The following OPCML variants were observed in gnomAD, a reference collection of about 807,000 sequenced individuals.
The protein encoded by OPCML is opioid binding protein/cell adhesion molecule like.
Under a neutral mutation model 37.8 loss-of-function variants are expected in OPCML, and 13 were observed. The ratio of observed to expected loss-of-function variants is 0.34; its 90% CI spans 0.22 to 0.55. The LOEUF is 0.55. OPCML is among the 20% of genes least tolerant of loss of function. The pLI is 0.91. For synonymous variants in OPCML, 176 were observed against 168.8 expected, an observed-to-expected ratio of 1.04 and a Z score of -0.33; for missense variants, 341 against 435.6, an observed-to-expected ratio of 0.78 and a Z score of 1.93.
chr11:132,482,666 C>G (rs2096185174), intron 4 of OPCML, among the ~76,000 whole-genome samples: 1 of 152,104 alleles, frequency 6.6e-6, no homozygotes, highest in Non-Finnish European at 1.5e-5. Flanking sequence ...ATGCAAAATC[C>G]TCAATAAAAT....
chr11:133,479,650 C>A lies in OPCML; in HGVS notation c.61+52614G>T, dbSNP rs367950836. Among the ~76,000 whole-genome samples the A allele has an allele frequency of 2.0e-5, 3 of 152,300 alleles. No individual in the cohort carries two copies. The East Asian group carries it at 5.8e-4, about 30-fold the overall frequency. On this transcript the variant is annotated intron_variant, in intron 1 of 7. Transcript: ENST00000524381. ...CAGGTCAAGCGTCACACAATTGACC[C>A]TGCCACTGCTCACACTGTTGAGTGG...
intron 1 of OPCML, among the ~76,000 whole-genome samples, chr11:133,269,005 G>A (rs1425012828): frequency 6.6e-6 from 1 of 152,162 alleles, no homozygotes. Context: ...TCTTTGATGT[G>A]TGCTCCAGGA....
rs146273967 is a variant in OPCML, at chr11:133,011,357, G to A, written c.62-68347C>T. 8.9e-3 allele frequency among the ~76,000 whole-genome samples: 1,356 copies of A among 152,294 alleles called. 22 individuals carry two copies. Among genetic ancestry groups the A allele is most frequent in the African/African-American group, 0.031 (1,301 of 41,558 alleles). ...CCAGTGTGAGAGAAGTGAGCCCCAT[G>A]ATCCCTGGTTACTGCAGGTGTTGAG... On this transcript the variant is annotated intron_variant, in intron 1 of 7. Coordinates refer to ENST00000524381, the MANE Select transcript of OPCML (RefSeq NM_001012393.5).
chr11:132,447,773 A>T (rs752269960), intron 4 of OPCML, among the ~76,000 whole-genome samples: 1 of 152,182 alleles, frequency 6.6e-6, no homozygotes, highest in Non-Finnish European at 1.5e-5. Flanking sequence ...CAGGCCCAAC[A>T]CTCAACCTTC....
At chr11:132,745,580 A>AAAAAAAAAAAAAAG (rs1555183231) in intron 2 of OPCML, among the ~76,000 whole-genome samples, 1 of 87,554 alleles carries the variant, frequency 1.1e-5, no homozygotes, top group African/African-American at 4.5e-5. Context: ...AAAAAAAAAA[A>AAAAAAAAAAAAAAG]AAAGAAAGAA....
intron 1 of OPCML, chr11:133,423,132 T>A: frequency 2.0e-6 from 2 of 985,448 alleles, no homozygotes; most frequent in South Asian, 4.7e-5. Context: ...CAGGATCTTA[T>A]AACCATTCAT....
intron 7 of OPCML, among the ~76,000 whole-genome samples, chr11:132,435,587 G>T (rs2096010330): frequency 6.6e-6 from 1 of 152,182 alleles, no homozygotes; most frequent in Non-Finnish European, 1.5e-5. Flanking sequence ...TTCAGAGAGG[G>T]TTTGCTGCTC....
At chr11:133,303,144 A>G (rs960715812) in intron 1 of OPCML, among the ~76,000 whole-genome samples, 4 of 152,192 alleles carry the variant, frequency 2.6e-5, no homozygotes, top group African/African-American at 9.6e-5. Context: ...TGGAAAGAAA[A>G]TGCAGCCCAA....
chr11:132,821,094 C>T (rs1461482166), intron 2 of OPCML, among the ~76,000 whole-genome samples: 1 of 152,164 alleles, frequency 6.6e-6, no homozygotes, highest in Non-Finnish European at 1.5e-5. Flanking sequence ...GAGGCCAGGA[C>T]TGTTCTTTTG....
chr11:132,654,497 G>A (rs1027578186), intron 3 of OPCML, among the ~76,000 whole-genome samples: 1 of 150,696 alleles, frequency 6.6e-6, no homozygotes, highest in Non-Finnish European at 1.5e-5. Flanking sequence ...TCCTCCCCAA[G>A]AGAAGCTCTT....
intron 2 of OPCML, among the ~76,000 whole-genome samples, chr11:132,829,586 A>C (rs1325651311): frequency 6.6e-6 from 1 of 152,224 alleles, no homozygotes; most frequent in Non-Finnish European, 1.5e-5. Context: ...TCAGAGACCT[A>C]AGGGCAAAAG....
At chr11:132,450,497 C>T (rs1388348305) in intron 4 of OPCML, among the ~76,000 whole-genome samples, 4 of 151,990 alleles carry the variant, frequency 2.6e-5, no homozygotes, top group Admixed American at 2.0e-4. Flanking sequence ...CGTAGAGGGG[C>T]CTCCTGCAGA....
chr11:132,855,810 T>C (rs1942031167), intron 2 of OPCML, among the ~76,000 whole-genome samples: 2 of 152,210 alleles, frequency 1.3e-5, no homozygotes, highest in Non-Finnish European at 2.9e-5. Flanking sequence ...TTTAGGGTAA[T>C]GTGTTATACA....
At chr11:132,528,129 T>C (rs139892775) in intron 4 of OPCML, among the ~76,000 whole-genome samples, 2 of 152,302 alleles carry the variant, frequency 1.3e-5, no homozygotes, top group Admixed American at 6.5e-5. Flanking sequence ...TATTTCAGTA[T>C]TAATATGAAT....
At chr11:132,434,638 A>G (rs2096007368) in intron 7 of OPCML, among the ~76,000 whole-genome samples, 1 of 152,186 alleles carries the variant, frequency 6.6e-6, no homozygotes, top group South Asian at 2.1e-4. Flanking sequence ...CCCTGACATG[A>G]TGCCTAGAAA....
intron 1 of OPCML, among the ~76,000 whole-genome samples, chr11:133,448,507 G>T (rs144045052): frequency 4.6e-5 from 7 of 152,198 alleles, no homozygotes; most frequent in Non-Finnish European, 8.8e-5. Flanking sequence ...ACCCAGGCTG[G>T]AGTGCAAAGG....
At chr11:133,455,899 C>T (rs1000201975) in intron 1 of OPCML, among the ~76,000 whole-genome samples, 1 of 152,196 alleles carries the variant, frequency 6.6e-6, no homozygotes, top group Non-Finnish European at 1.5e-5. Context: ...ACCCCTTCCA[C>T]TGTGGTGTAG....
intron 1 of OPCML, among the ~76,000 whole-genome samples, chr11:133,163,555 C>G (rs1565481097): frequency 6.6e-6 from 1 of 152,186 alleles, no homozygotes; most frequent in Non-Finnish European, 1.5e-5. Flanking sequence ...ACTGCAATAC[C>G]TCTTGAATGA....
At chr11:132,433,276 T>A (rs2096003322) in intron 7 of OPCML, among the ~76,000 whole-genome samples, 2 of 152,206 alleles carry the variant, frequency 1.3e-5, no homozygotes, top group Admixed American at 1.3e-4. Flanking sequence ...TCATGCCGCT[T>A]TGATGAACAT....
Sources: allele counts gnomAD v4.1 joint callset (sites outside exome capture counted in the v4.1 genomes callset), GRCh38; gene constraint gnomAD v4.1.1; transcripts MANE v1.5; gene names NCBI Gene and HGNC (gene_info 2026-07-23, HGNC 2026-07-21).